Variants in WASL observed in about 807,000 individuals in gnomAD.
The protein encoded by WASL is WASP like actin nucleation promoting factor, also known as actin nucleation-promoting factor WASL.
In WASL, 20 loss-of-function variants were observed where a neutral mutation model predicts 55.5. The ratio of observed to expected loss-of-function variants is 0.36; its 90% CI spans 0.25 to 0.52. WASL has a LOEUF of 0.52. WASL is among the 20% of genes least tolerant of loss of function. The pLI, the probability that WASL is intolerant of heterozygous loss-of-function variation, is 0.92. For synonymous variants in WASL, 249 were observed against 217.6 expected, an observed-to-expected ratio of 1.14 and a Z score of -1.27; for missense variants, 504 against 622.5, an observed-to-expected ratio of 0.81 and a Z score of 2.03.
chr7:123,710,158 T>G (rs909890086), intron 1 of WASL, among the ~76,000 whole-genome samples: 2 of 152,104 alleles, frequency 1.3e-5, no homozygotes, highest in African/African-American at 4.8e-5. Context: ...TGATACACAC[T>G]TACACTGATA....
chr7:123,709,256 CA>C, intron 1 of WASL, 33 bp from the exon 2 acceptor site: 1 of 1,582,840 alleles, frequency 6.3e-7, no homozygotes, highest in Non-Finnish European at 8.6e-7. Context: ...CCATTAGGTT[CA>C]AAATAATATG....
intron 5 of WASL, among the ~76,000 whole-genome samples, chr7:123,700,476 T>C (rs1250426981): frequency 6.6e-6 from 1 of 151,354 alleles, no homozygotes; most frequent in Non-Finnish European, 1.5e-5. Context: ...AGTCTCACTC[T>C]CTCGCCCAGG....
intron 1 of WASL, among the ~76,000 whole-genome samples, chr7:123,727,156 C>CTGACCACATAAAA (rs1804059447): frequency 6.6e-6 from 1 of 151,916 alleles, no homozygotes; most frequent in African/African-American, 2.4e-5. Context: ...ACCAAAATGA[C>CTGACCACATAAAA]CAAAAACAAA....
intron 1 of WASL, among the ~76,000 whole-genome samples, chr7:123,721,623 T>C (rs867869178): frequency 3.3e-5 from 5 of 152,198 alleles, no homozygotes; most frequent in South Asian, 2.1e-4. Flanking sequence ...TTACATTTTA[T>C]TCACAATTTA....
At chr7:123,727,852 T>G (rs1224273012) in intron 1 of WASL, among the ~76,000 whole-genome samples, 1 of 152,218 alleles carries the variant, frequency 6.6e-6, no homozygotes, top group African/African-American at 2.4e-5. Flanking sequence ...AAAAGAATCT[T>G]AAGATGAAGC....
At chr7:123,697,675 G>GA (rs760599476) in intron 5 of WASL, among the ~76,000 whole-genome samples, 127 of 152,298 alleles carry the variant, frequency 8.3e-4, no homozygotes, top group Non-Finnish European at 1.6e-3. Context: ...TCGTTGTGTA[G>GA]AAAAGAGTTT....
rs149279619 is a variant in WASL, at chr7:123,706,595, T to C, written c.339+145A>G. Reference sequence around the variant, plus strand: ...AGTTACCTATCACAGCAGACACATATACTAATTTGAATATTTCATCTTCAG... The same window carrying C: ...AGTTACCTATCACAGCAGACACATACACTAATTTGAATATTTCATCTTCAG... On this transcript the variant is annotated intron_variant, in intron 3 of 10. Coordinates refer to ENST00000223023, the MANE Select transcript of WASL (RefSeq NM_003941.4). 1.5e-4 allele frequency: 117 copies of C among 757,230 alleles called. No individual in the cohort carries two copies. The African/African-American group carries it at 1.7e-3, about 11-fold the overall frequency. The allele number at this position is 757,230 out of a possible 1,614,324, so 46.9% of individuals were successfully genotyped here.
chr7:123,693,701 C>T (rs759421635), intron 8 of WASL, among the ~76,000 whole-genome samples: 2 of 152,224 alleles, frequency 1.3e-5, no homozygotes, highest in Non-Finnish European at 2.9e-5. Context: ...CATGGTGGCT[C>T]ATGCCTGTAA....
intron 5 of WASL, among the ~76,000 whole-genome samples, chr7:123,699,867 C>T (rs7798111): frequency 0.28 from 43,019 of 151,936 alleles, 6,551 homozygotes; most frequent in African/African-American, 0.38. Flanking sequence ...AGATGAATTT[C>T]ATTAGTACTA....
At chr7:123,725,487 T>TA (rs1178793134) in intron 1 of WASL, among the ~76,000 whole-genome samples, 1 of 152,150 alleles carries the variant, frequency 6.6e-6, no homozygotes, top group Non-Finnish European at 1.5e-5. Flanking sequence ...ATTTCTATTT[T>TA]AATTTACATT....
intron 5 of WASL, 33 bp from the exon 6 acceptor site, chr7:123,696,780 A>G (rs1803500223): frequency 1.5e-6 from 2 of 1,367,218 alleles, no homozygotes; most frequent in African/African-American, 1.5e-5. Flanking sequence ...TAAAAGGGAT[A>G]TAATTTAAGA....
intron 5 of WASL, among the ~76,000 whole-genome samples, chr7:123,703,966 C>T (rs1284272623): frequency 1.3e-5 from 2 of 152,140 alleles, no homozygotes; most frequent in Non-Finnish European, 2.9e-5. Context: ...CACACAATTT[C>T]AGGGAGTTTA....
chr7:123,684,381 TA>T lies in WASL; in HGVS notation c.*137del, dbSNP rs1056260849. On this transcript the variant is annotated 3_prime_UTR_variant, in exon 11 of 11. Transcript: ENST00000223023. ...AGATTAAATGAGGTATTGCACAGAT[TA>T]AAAAAAAGCAAAAAAGGCAACAAAA... 34 of 349,062 alleles carry T rather than the reference TA, an allele frequency of 9.7e-5. No homozygotes were observed. The highest frequency in any genetic ancestry group is 1.4e-4 in the East Asian group (3 of 21,296). The allele number at this position is 349,062 out of a possible 1,614,324, so 21.6% of individuals were successfully genotyped here.
At chr7:123,741,082 G>C (rs1314181214) in intron 1 of WASL, among the ~76,000 whole-genome samples, 2 of 152,094 alleles carry the variant, frequency 1.3e-5, no homozygotes, top group African/African-American at 4.8e-5. Flanking sequence ...TGAGTTGTGG[G>C]TGTAGGTATG....
rs541123276 is a variant in WASL, at chr7:123,714,735, T to G, written c.118-5512A>C. 9.2e-5 allele frequency among the ~76,000 whole-genome samples: 14 copies of G among 152,304 alleles called. No homozygotes were observed. The South Asian group carries it at 1.4e-3, about 16-fold the overall frequency. ...TTAGACAAGGTCCTCATAAAACATC[T>G]AGTTAATAAAGGGGAGATTGGCATT... On this transcript the variant is annotated intron_variant, in intron 1 of 10. Transcript: ENST00000223023.
Position 123,704,637 on chromosome 7 carries a change from T to G in WASL, c.457A>C (p.Asn153His), listed in dbSNP as rs767487833. ...TAATAATTGTCAAAAAGCTTACCATTTGGGGGATCTCGTCTTTTCTCTGTT... is the reference window on the plus strand; with the variant it reads ...TAATAATTGTCAAAAAGCTTACCATGTGGGGGATCTCGTCTTTTCTCTGTT... ...RKSEKRRDPP[N>H]GPNLPMATVD... Residue 153 changes from asparagine to histidine, a missense_variant, in exon 5 of 11, where the codon AAT becomes CAT. Around this residue, in one of 5 missense-constraint regions of WASL, gnomAD observed 230 missense variants for 271.9 expected, o/e 0.85. Transcript: ENST00000223023. The G allele has an allele frequency of 1.3e-6, 2 of 1,510,258 alleles. No individual in the cohort carries two copies. The highest frequency in any genetic ancestry group is 3.8e-5 in the Admixed American group (2 of 53,154). 93.6% of individuals were successfully genotyped at this position (1,510,258 alleles called of 1,614,324 possible).
chr7:123,719,561 T>A (rs554962308), intron 1 of WASL, among the ~76,000 whole-genome samples: 1 of 152,264 alleles, frequency 6.6e-6, no homozygotes, highest in African/African-American at 2.4e-5. Flanking sequence ...TGCAAATAAC[T>A]CATGATCTTC....
At chr7:123,708,604 A>G (rs1250167979) in intron 2 of WASL, among the ~76,000 whole-genome samples, 4 of 152,176 alleles carry the variant, frequency 2.6e-5, no homozygotes, top group Non-Finnish European at 4.4e-5. Context: ...ATCTGAATAT[A>G]TCTATCATGA....
chr7:123,720,521 G>A (rs1367299352), intron 1 of WASL, among the ~76,000 whole-genome samples: 1 of 152,172 alleles, frequency 6.6e-6, no homozygotes, highest in Non-Finnish European at 1.5e-5. Flanking sequence ...ACCTTCTGAA[G>A]AACAGACAAA....
Sources: allele counts gnomAD v4.1 joint callset (sites outside exome capture counted in the v4.1 genomes callset), GRCh38; gene constraint gnomAD v4.1.1; regional missense constraint gnomAD v4.1.1; transcripts MANE v1.5; gene names NCBI Gene and HGNC (gene_info 2026-07-23, HGNC 2026-07-21).